Variants in ACSS3 observed in about 807,000 individuals in gnomAD.
The protein encoded by ACSS3 is acyl-CoA synthetase short-chain family member 3, mitochondrial.
ACSS3 carries 64 observed loss-of-function variants against 84.2 expected under a neutral mutation model. That is an observed-to-expected ratio of 0.76 (90% CI 0.62 to 0.94). The LOEUF is 0.94. Ranked by LOEUF, ACSS3 falls within the 40% of genes least tolerant of loss-of-function variation. The pLI, the probability that ACSS3 is intolerant of heterozygous loss-of-function variation, is 0.00. For missense variants in ACSS3, 815 were observed against 867.6 expected (o/e 0.94, Z 0.76); for synonymous variants, 317 against 310.1 (o/e 1.02, Z -0.23).
chr12:81,183,576 A>G (rs1040557757), intron 8 of ACSS3, among the ~76,000 whole-genome samples: 2 of 152,122 alleles, frequency 1.3e-5, no homozygotes, highest in African/African-American at 4.8e-5. Flanking sequence ...TTAAGGACAC[A>G]TGAAGGCTGA....
At chr12:81,094,886 A>G (rs559964419) in intron 1 of ACSS3, among the ~76,000 whole-genome samples, 8 of 152,316 alleles carry the variant, frequency 5.3e-5, no homozygotes, top group African/African-American at 1.9e-4. Flanking sequence ...AACCAGAGCA[A>G]CATTAACACC....
intron 13 of ACSS3, among the ~76,000 whole-genome samples, chr12:81,236,336 T>C (rs1469955851): frequency 1.3e-5 from 2 of 151,546 alleles, no homozygotes; most frequent in Non-Finnish European, 3.0e-5. Context: ...TTACTGTTTT[T>C]ATACATTGAT....
chr12:81,202,176 G>A (rs1352449190), intron 9 of ACSS3, among the ~76,000 whole-genome samples: 1 of 152,020 alleles, frequency 6.6e-6, no homozygotes, highest in Non-Finnish European at 1.5e-5. Context: ...CTACTTGGGA[G>A]GCTGAGGCAG....
chr12:81,156,223 A>C (rs1886862723), intron 7 of ACSS3, among the ~76,000 whole-genome samples: 1 of 151,768 alleles, frequency 6.6e-6, no homozygotes, highest in South Asian at 2.1e-4. Context: ...ACACACACAC[A>C]CACACACGTC....
intron 13 of ACSS3, among the ~76,000 whole-genome samples, chr12:81,234,751 CT>C (rs2033576076): frequency 6.6e-6 from 1 of 151,058 alleles, no homozygotes; most frequent in Non-Finnish European, 1.5e-5. Flanking sequence ...TGGACTGTTT[CT>C]TTTTTATTGT....
intron 5 of ACSS3, among the ~76,000 whole-genome samples, chr12:81,147,666 C>T (rs554328652): frequency 6.6e-4 from 101 of 152,194 alleles, no homozygotes; most frequent in Non-Finnish European, 1.0e-3. Flanking sequence ...GGGGTGGAGG[C>T]TTACTCTAGA....
At chr12:81,141,220 T>G (rs1443197100) in intron 4 of ACSS3, among the ~76,000 whole-genome samples, 1 of 152,224 alleles carries the variant, frequency 6.6e-6, no homozygotes, top group African/African-American at 2.4e-5. Flanking sequence ...CTGCAGGCCC[T>G]TTCCTCTATT....
intron 13 of ACSS3, among the ~76,000 whole-genome samples, chr12:81,235,215 A>C (rs2033592743): frequency 6.6e-6 from 1 of 151,430 alleles, no homozygotes; most frequent in Non-Finnish European, 1.5e-5. Context: ...CAACTTTGTC[A>C]AAAATCAGAT....
At chr12:81,181,105 G>T (rs1464163421) in intron 8 of ACSS3, among the ~76,000 whole-genome samples, 1 of 152,186 alleles carries the variant, frequency 6.6e-6, no homozygotes, top group Non-Finnish European at 1.5e-5. Context: ...GTGACTGCCT[G>T]TGAACCATGT....
At chr12:81,114,690 A>G (rs1272637555) in intron 2 of ACSS3, among the ~76,000 whole-genome samples, 1 of 152,116 alleles carries the variant, frequency 6.6e-6, no homozygotes, top group African/African-American at 2.4e-5. Flanking sequence ...TGCTTGGTAA[A>G]TAGGGGAATG....
intron 3 of ACSS3, among the ~76,000 whole-genome samples, chr12:81,136,054 T>C (rs1477719436): frequency 6.6e-6 from 1 of 152,144 alleles, no homozygotes; most frequent in African/African-American, 2.4e-5. Context: ...GTAATACTTA[T>C]CAAATGGATG....
At chr12:81,125,688 G>A (rs767191436) in intron 2 of ACSS3, 2 of 152,118 alleles carry the variant, frequency 1.3e-5, no homozygotes, top group Non-Finnish European at 2.9e-5. Flanking sequence ...ACTCCCAGTG[G>A]CAACGCTGGC....
At chr12:81,086,810 C>T (rs966728485) in intron 1 of ACSS3, among the ~76,000 whole-genome samples, 5 of 152,066 alleles carry the variant, frequency 3.3e-5, no homozygotes, top group Admixed American at 6.6e-5. Context: ...TGTGGTGTGA[C>T]ATTTGTAAGA....
chr12:81,208,440 G>T (rs1328640021), intron 9 of ACSS3, among the ~76,000 whole-genome samples: 2 of 151,966 alleles, frequency 1.3e-5, no homozygotes, highest in Non-Finnish European at 2.9e-5. Flanking sequence ...ATCCCAGGGG[G>T]TTAACTTGGC....
chr12:81,103,934 G>A (rs1882743201), intron 1 of ACSS3, among the ~76,000 whole-genome samples: 1 of 152,118 alleles, frequency 6.6e-6, no homozygotes, highest in Admixed American at 6.5e-5. Flanking sequence ...AATAATACCT[G>A]CTTCATAGGG....
chr12:81,186,501 C>G (rs1028733701), intron 8 of ACSS3, among the ~76,000 whole-genome samples: 1 of 151,688 alleles, frequency 6.6e-6, no homozygotes, highest in Non-Finnish European at 1.5e-5. Context: ...AGAACTCATA[C>G]AGTTCAATCG....
intron 7 of ACSS3, among the ~76,000 whole-genome samples, chr12:81,166,221 G>C (rs1887395705): frequency 6.6e-6 from 1 of 152,198 alleles, no homozygotes; most frequent in African/African-American, 2.4e-5. Flanking sequence ...TATTGAGAAG[G>C]AGGTTAGGGT....
At chr12:81,176,552 A>G (rs1038969048) in intron 8 of ACSS3, among the ~76,000 whole-genome samples, 1 of 152,058 alleles carries the variant, frequency 6.6e-6, no homozygotes, top group African/African-American at 2.4e-5. Context: ...TCAGCCTGAC[A>G]ACAGAATGAG....
intron 13 of ACSS3, among the ~76,000 whole-genome samples, chr12:81,252,860 A>G (rs2034194642): frequency 6.6e-6 from 1 of 152,202 alleles, no homozygotes; most frequent in African/African-American, 2.4e-5. Flanking sequence ...AAATAAAGTT[A>G]TTATTTAGCC....
Sources: allele counts gnomAD v4.1 joint callset (sites outside exome capture counted in the v4.1 genomes callset), GRCh38; gene constraint gnomAD v4.1.1; transcripts MANE v1.5; gene names NCBI Gene and HGNC (gene_info 2026-07-23, HGNC 2026-07-21).